Variants in TEX9 observed in about 807,000 individuals in gnomAD.
The protein encoded by TEX9 is testis expressed 9, also known as testis-expressed protein 9.
TEX9 carries 74 observed loss-of-function variants against 59.6 expected under a neutral mutation model. The observed-to-expected ratio is 1.24, with a 90% confidence interval of 1.03 to 1.51. The LOEUF is 1.51. Ranked by LOEUF, TEX9 falls within the 40% of genes most tolerant of loss-of-function variation. TEX9 has a pLI of 0.00. For synonymous variants in TEX9, 186 were observed against 152.2 expected (o/e 1.22, Z -1.64); for missense variants, 522 against 447.8 (o/e 1.17, Z -1.49).
chr15:56,248,087 TAA>T (rs2043906571), intron 1 of TEX9, among the ~76,000 whole-genome samples: 1 of 152,218 alleles, frequency 6.6e-6, no homozygotes, highest in Admixed American at 6.5e-5. Context: ...TATATATATA[TAA>T]GTTTCAATGC....
intron 1 of TEX9, among the ~76,000 whole-genome samples, chr15:56,274,973 C>A (rs1233967228): frequency 6.6e-6 from 1 of 152,198 alleles, no homozygotes; most frequent in Admixed American, 6.5e-5. Flanking sequence ...AGGTCACTCT[C>A]CAAGGTATCT....
intron 1 of TEX9, among the ~76,000 whole-genome samples, chr15:56,320,996 A>T (rs1325010869): frequency 6.6e-6 from 1 of 152,204 alleles, no homozygotes; most frequent in African/African-American, 2.4e-5. Context: ...AAGCCACTTT[A>T]CAATCGTAGC....
intron 2 of TEX9, among the ~76,000 whole-genome samples, chr15:56,369,120 G>A (rs530443436): frequency 9.2e-5 from 14 of 151,954 alleles, no homozygotes; most frequent in East Asian, 1.9e-4. Flanking sequence ...GATTTTCATA[G>A]TAATTATTTA....
At chr15:56,445,159 C>G (rs960146964) in intron 12 of TEX9, among the ~76,000 whole-genome samples, 4 of 151,966 alleles carry the variant, frequency 2.6e-5, no homozygotes, top group Non-Finnish European at 4.4e-5. Context: ...AACTTTCTTT[C>G]CTGCCATTGG....
At chr15:56,343,974 C>G (rs950147486) in intron 1 of TEX9, among the ~76,000 whole-genome samples, 1 of 152,142 alleles carries the variant, frequency 6.6e-6, no homozygotes, top group African/African-American at 2.4e-5. Context: ...TGAGATACCA[C>G]TTCACACCCA....
At chr15:56,304,701 A>G (rs2045437514) in intron 1 of TEX9, among the ~76,000 whole-genome samples, 1 of 152,004 alleles carries the variant, frequency 6.6e-6, no homozygotes. Flanking sequence ...TTCATCAGAG[A>G]TATGGGCCTG....
At chr15:56,402,728 T>A (rs564445968) in intron 9 of TEX9, among the ~76,000 whole-genome samples, 2 of 152,124 alleles carry the variant, frequency 1.3e-5, no homozygotes, top group South Asian at 4.1e-4. Context: ...GATGCAAAAA[T>A]CCTCAATAAA....
At chr15:56,296,761 G>T (rs1375494772) in intron 1 of TEX9, among the ~76,000 whole-genome samples, 1 of 152,178 alleles carries the variant, frequency 6.6e-6, no homozygotes, top group Non-Finnish European at 1.5e-5. Context: ...GTCAAAATAA[G>T]GAAGCTGTAT....
chr15:56,429,080 C>T, intron 12 of TEX9: 1 of 1,508,806 alleles, frequency 6.6e-7, no homozygotes, highest in East Asian at 2.3e-5. Context: ...AAAATCTATG[C>T]TTTACCCAAT....
chr15:56,373,594 G>A (rs988245089), intron 3 of TEX9, 90 bp downstream of exon 3: 3 of 1,035,856 alleles, frequency 2.9e-6, no homozygotes, highest in Non-Finnish European at 4.0e-6. Context: ...CAAAACACTA[G>A]CCAAAGCATG....
At chr15:56,347,442 A>AT (rs1473868219) in intron 1 of TEX9, among the ~76,000 whole-genome samples, 1 of 152,084 alleles carries the variant, frequency 6.6e-6, no homozygotes, top group Non-Finnish European at 1.5e-5. Context: ...TGCCTAATTG[A>AT]TTTTTTGATA....
chr15:56,415,385 T>C (rs1203859781), intron 10 of TEX9, among the ~76,000 whole-genome samples: 1 of 151,928 alleles, frequency 6.6e-6, no homozygotes, highest in Non-Finnish European at 1.5e-5. Flanking sequence ...CATTTAAGTT[T>C]TTAGTTCATC....
intron 12 of TEX9, chr15:56,428,865 A>G: frequency 2.2e-6 from 1 of 447,204 alleles, no homozygotes; most frequent in East Asian, 4.0e-5. Flanking sequence ...TGGGGATGCA[A>G]ACAGTGCTCT....
chr15:56,272,196 A>G (rs1300875294), intron 1 of TEX9, among the ~76,000 whole-genome samples: 4 of 152,110 alleles, frequency 2.6e-5, no homozygotes, highest in Admixed American at 6.5e-5. Flanking sequence ...ACAGTGTTGT[A>G]CAGCTGTCAT....
At chr15:56,320,921 G>A (rs552902602) in intron 1 of TEX9, among the ~76,000 whole-genome samples, 7 of 152,272 alleles carry the variant, frequency 4.6e-5, no homozygotes, top group Admixed American at 1.3e-4. Flanking sequence ...AATAAAGACA[G>A]TACATTTCCA....
intron 10 of TEX9, among the ~76,000 whole-genome samples, chr15:56,426,614 T>C (rs1311348762): frequency 2.3e-5 from 1 of 43,028 alleles, no homozygotes; most frequent in Non-Finnish European, 4.8e-5. Flanking sequence ...TATATATATA[T>C]ATATATATAT....
chr15:56,303,962 A>G (rs1418935719), intron 1 of TEX9, among the ~76,000 whole-genome samples: 1 of 152,202 alleles, frequency 6.6e-6, no homozygotes, highest in East Asian at 1.9e-4. Flanking sequence ...AATCCAAAAC[A>G]TGAACGGACT....
intron 3 of TEX9, among the ~76,000 whole-genome samples, chr15:56,380,834 T>A (rs1225586088): frequency 6.6e-6 from 1 of 152,224 alleles, no homozygotes; most frequent in African/African-American, 2.4e-5. Context: ...TTTCTCTTGC[T>A]GTTTTTAGGA....
chr15:56,310,156 G>C (rs1326912877), intron 1 of TEX9, among the ~76,000 whole-genome samples: 1 of 152,174 alleles, frequency 6.6e-6, no homozygotes, highest in Non-Finnish European at 1.5e-5. Context: ...GTGGGGCCAG[G>C]CTCACTGGCT....
Sources: gnomAD v4.1 joint callset for allele counts (sites outside exome capture counted in the v4.1 genomes callset) on GRCh38, gnomAD v4.1.1 for gene constraint, MANE v1.5 for transcripts, NCBI Gene and HGNC (gene_info 2026-07-23, HGNC 2026-07-21) for gene names.